LGSN: variants seen among roughly 807,000 people sequenced by gnomAD.
LGSN encodes lengsin, lens protein with glutamine synthetase domain, also known as lengsin.
In LGSN, 21 loss-of-function variants were observed where a neutral mutation model predicts 19.5. The ratio of observed to expected loss-of-function variants is 1.07; its 90% CI spans 0.76 to 1.55. The LOEUF (loss-of-function observed/expected upper bound fraction) is 1.55, where lower values mean the gene tolerates loss of function less well. Among genes scored for constraint, LGSN ranks in the 40% most tolerant of loss-of-function variants. The probability of loss-of-function intolerance (pLI) is 0.00; values close to 1 mark genes in which losing one functional copy is unlikely to be tolerated. For synonymous variants in LGSN, 257 were observed against 215.6 expected (o/e 1.19, Z -1.68); for missense variants, 673 against 608.5 (o/e 1.11, Z -1.12).
the LGSN span, among the ~76,000 whole-genome samples, chr6:63,497,214 C>T: frequency 2.0e-5 from 3 of 151,886 alleles, no homozygotes; most frequent in East Asian, 2.0e-4. Context: ...TGGCCTCAAG[C>T]GAGGCCTCAG....
chr6:63,536,082 A>G, the LGSN span, among the ~76,000 whole-genome samples: 20 of 149,390 alleles, frequency 1.3e-4, no homozygotes, highest in African/African-American at 4.9e-4. Context: ...CTGTAATCCC[A>G]GCACTTTGGG....
chr6:63,457,620 G>T, the LGSN span, among the ~76,000 whole-genome samples: 1 of 152,194 alleles, frequency 6.6e-6, no homozygotes, highest in Non-Finnish European at 1.5e-5. Flanking sequence ...GCTTACGCCT[G>T]TAATTCCAGA....
intron 2 of LGSN, among the ~76,000 whole-genome samples, chr6:63,288,296 T>C (rs1305033658): frequency 1.3e-5 from 2 of 151,152 alleles, no homozygotes; most frequent in South Asian, 2.1e-4. Context: ...TCACTCATCA[T>C]AGATATTTTT....
the LGSN span, among the ~76,000 whole-genome samples, chr6:63,505,258 T>C: frequency 0.53 from 80,480 of 150,674 alleles, 23,312 homozygotes; most frequent in African/African-American, 0.77. Flanking sequence ...AATTATATGC[T>C]TTTCCTCATC....
the LGSN span, among the ~76,000 whole-genome samples, chr6:63,544,812 T>C: frequency 2.6e-5 from 4 of 152,340 alleles, no homozygotes; most frequent in Admixed American, 1.3e-4. Flanking sequence ...AAATGCTTGA[T>C]GTTAATTTCT....
chr6:63,529,532 T>A, the LGSN span, among the ~76,000 whole-genome samples: 1 of 152,300 alleles, frequency 6.6e-6, no homozygotes, highest in East Asian at 1.9e-4. Flanking sequence ...CTTCCTTTTC[T>A]ACCTCTCTCG....
At chr6:63,457,684 C>T in the LGSN span, among the ~76,000 whole-genome samples, 5 of 152,064 alleles carry the variant, frequency 3.3e-5, no homozygotes, top group South Asian at 2.1e-4. Context: ...CCAAGACCAG[C>T]GTGGCCAATG....
At chr6:63,412,398 G>T in the LGSN span, among the ~76,000 whole-genome samples, 2 of 90,364 alleles carry the variant, frequency 2.2e-5, no homozygotes, top group African/African-American at 1.1e-4. Context: ...GATGAAAGAA[G>T]GAAAGAAAGA....
At chr6:63,485,030 T>G in the LGSN span, among the ~76,000 whole-genome samples, 1 of 152,176 alleles carries the variant, frequency 6.6e-6, no homozygotes, top group African/African-American at 2.4e-5. Context: ...ATTTGTTTTT[T>G]TTAGTTGTTT....
At chr6:63,379,587 T>C in the LGSN span, among the ~76,000 whole-genome samples, 1 of 152,194 alleles carries the variant, frequency 6.6e-6, no homozygotes, top group Admixed American at 6.5e-5. Flanking sequence ...ATGATGTGTG[T>C]GTATCAAGCA....
chr6:63,544,823 C>T, the LGSN span, among the ~76,000 whole-genome samples: 1 of 152,132 alleles, frequency 6.6e-6, no homozygotes, highest in Admixed American at 6.5e-5. Context: ...GTTAATTTCT[C>T]CCATTACTGA....
the LGSN span, among the ~76,000 whole-genome samples, chr6:63,522,224 G>A: frequency 6.6e-6 from 1 of 152,030 alleles, no homozygotes; most frequent in African/African-American, 2.4e-5. Context: ...TATTTTAAGG[G>A]CTACAATATA....
the LGSN span, among the ~76,000 whole-genome samples, chr6:63,452,583 A>T: frequency 5.3e-5 from 8 of 151,132 alleles, no homozygotes; most frequent in Non-Finnish European, 1.0e-4. Flanking sequence ...TAATATATTT[A>T]TTTTTTTTAA....
At chr6:63,405,268 G>A in the LGSN span, among the ~76,000 whole-genome samples, 1,255 of 151,872 alleles carry the variant, frequency 8.3e-3, 19 homozygotes, top group African/African-American at 0.028. Flanking sequence ...ATAAACATAC[G>A]TGTGCATGTG....
the LGSN span, among the ~76,000 whole-genome samples, chr6:63,365,454 C>A: frequency 6.9e-6 from 1 of 145,566 alleles, no homozygotes; most frequent in Non-Finnish European, 1.5e-5. Flanking sequence ...AATAGCCTAC[C>A]AACCAAAAAA....
At chr6:63,323,750 G>A (rs999314794), upstream of LGSN, among the ~76,000 whole-genome samples, 1 of 149,480 alleles carries the variant, frequency 6.7e-6, no homozygotes, top group Non-Finnish European at 1.5e-5. Flanking sequence ...AAAAACCACT[G>A]GAATCTCGTA....
the LGSN span, among the ~76,000 whole-genome samples, chr6:63,325,773 G>C: frequency 6.6e-6 from 1 of 152,196 alleles, no homozygotes; most frequent in African/African-American, 2.4e-5. Context: ...GGCTTCAGGA[G>C]TGAAGCTTCA....
At chr6:63,393,344 T>C in the LGSN span, among the ~76,000 whole-genome samples, 3 of 151,802 alleles carry the variant, frequency 2.0e-5, no homozygotes, top group African/African-American at 7.3e-5. Context: ...GCCCGGCTAA[T>C]TTTTTTGTAT....
At chr6:63,411,833 T>A in the LGSN span, among the ~76,000 whole-genome samples, 1 of 151,774 alleles carries the variant, frequency 6.6e-6, no homozygotes, top group Non-Finnish European at 1.5e-5. Context: ...GGTGACAGAG[T>A]GAGACCCTGT....
Sources: gnomAD v4.1 joint callset for allele counts (sites outside exome capture counted in the v4.1 genomes callset) on GRCh38, gnomAD v4.1.1 for gene constraint, MANE v1.5 for transcripts, NCBI Gene and HGNC (gene_info 2026-07-23, HGNC 2026-07-21) for gene names.